The following RASGRF2 variants were observed in gnomAD, a reference collection of about 807,000 sequenced individuals.
RASGRF2 encodes the protein Ras protein specific guanine nucleotide releasing factor 2.
In RASGRF2, 76 loss-of-function variants were observed where a neutral mutation model predicts 151.0. The ratio of observed to expected loss-of-function variants is 0.50; its 90% CI spans 0.42 to 0.61. The LOEUF (loss-of-function observed/expected upper bound fraction) is 0.61, where lower values mean the gene tolerates loss of function less well. Among genes scored for constraint, RASGRF2 ranks in the 20% least tolerant of loss-of-function variants. The pLI, the probability that RASGRF2 is intolerant of heterozygous loss-of-function variation, is 0.00. For missense variants in RASGRF2, 1,148 were observed against 1,564.6 expected, an observed-to-expected ratio of 0.73 and a Z score of 4.49; for synonymous variants, 504 against 566.5, an observed-to-expected ratio of 0.89 and a Z score of 1.57.
At chr5:81,165,182 T>C (rs955585744) in intron 17 of RASGRF2, among the ~76,000 whole-genome samples, 4 of 152,130 alleles carry the variant, frequency 2.6e-5, no homozygotes, top group African/African-American at 9.7e-5. Context: ...ACCTCAAGTC[T>C]TGTGGTTACG....
At chr5:81,102,650 ATGCCAC>A (rs1561205819) in intron 12 of RASGRF2, among the ~76,000 whole-genome samples, 1 of 151,366 alleles carries the variant, frequency 6.6e-6, no homozygotes, top group African/African-American at 2.4e-5. Flanking sequence ...AGCCGAGATC[ATGCCAC>A]TGCATTCCAG....
intron 17 of RASGRF2, among the ~76,000 whole-genome samples, chr5:81,154,489 C>G (rs1754214877): frequency 1.3e-5 from 2 of 152,142 alleles, no homozygotes; most frequent in Non-Finnish European, 1.5e-5. Flanking sequence ...TTTGGCCTTC[C>G]AAAGTGCTGA....
At chr5:81,148,423 G>T (rs996468527) in intron 17 of RASGRF2, among the ~76,000 whole-genome samples, 4 of 152,104 alleles carry the variant, frequency 2.6e-5, no homozygotes, top group African/African-American at 9.7e-5. Context: ...TTATCCCTTT[G>T]TGCAGTTCAT....
rs537474383 is a variant in RASGRF2, at chr5:81,121,962, G to A, written c.2471-1680G>A. The stretch of plus-strand genomic sequence containing the variant: ...TTAGTTTGAAAATTGCCTGCCTGTG[G>A]GCTGAAAGTGCTCCCGATTTTAGCA... On this transcript the variant is annotated intron_variant, in intron 15 of 26. Coordinates refer to ENST00000265080, the MANE Select transcript of RASGRF2 (RefSeq NM_006909.3). 2.6e-5 allele frequency among the ~76,000 whole-genome samples: 4 copies of A among 152,302 alleles called. No homozygotes were observed. In the South Asian group the frequency reaches 8.3e-4, roughly 32 times the overall value.
At chr5:81,222,831 A>G (rs1466633904) in intron 26 of RASGRF2, among the ~76,000 whole-genome samples, 1 of 152,274 alleles carries the variant, frequency 6.6e-6, no homozygotes, top group African/African-American at 2.4e-5. Context: ...AAAGGTATAA[A>G]AATTGGAAAG....
At chr5:81,144,858 A>T (rs1279560238) in intron 17 of RASGRF2, among the ~76,000 whole-genome samples, 1 of 152,140 alleles carries the variant, frequency 6.6e-6, no homozygotes, top group African/African-American at 2.4e-5. Flanking sequence ...GAATCCTGTC[A>T]TCTGGCTCTT....
intron 1 of RASGRF2, among the ~76,000 whole-genome samples, chr5:81,024,341 C>T (rs1749940788): frequency 7.0e-6 from 1 of 143,092 alleles, no homozygotes; most frequent in Non-Finnish European, 1.5e-5. Flanking sequence ...CTCACTGCAA[C>T]CTCCGTCTCC....
chr5:81,215,453 T>C (rs1755716181), intron 23 of RASGRF2, among the ~76,000 whole-genome samples: 1 of 151,966 alleles, frequency 6.6e-6, no homozygotes, highest in Non-Finnish European at 1.5e-5. Flanking sequence ...GTACTTTCAA[T>C]AGAGATGGGG....
At chr5:81,109,534 C>T (rs1055710274) in intron 13 of RASGRF2, among the ~76,000 whole-genome samples, 14 of 152,108 alleles carry the variant, frequency 9.2e-5, no homozygotes, top group African/African-American at 2.2e-4. Flanking sequence ...GGCATGATGG[C>T]GGACACCTGT....
chr5:80,995,693 C>CCTT (rs58481061), intron 1 of RASGRF2, among the ~76,000 whole-genome samples: 13 of 97,332 alleles, frequency 1.3e-4, no homozygotes, highest in African/African-American at 3.1e-4. Context: ...TTCCCCCCCC[C>CCTT]TTTTTTTTTT....
At chr5:81,105,256 A>G (rs1444232806) in intron 12 of RASGRF2, among the ~76,000 whole-genome samples, 1 of 151,972 alleles carries the variant, frequency 6.6e-6, no homozygotes, top group Non-Finnish European at 1.5e-5. Flanking sequence ...CATTTCCTGG[A>G]TTTTCAGACC....
At chr5:81,063,135 T>C (rs956698768) in intron 2 of RASGRF2, among the ~76,000 whole-genome samples, 2 of 152,222 alleles carry the variant, frequency 1.3e-5, no homozygotes. Flanking sequence ...CTTAGAATTC[T>C]GATATTTTAC....
chr5:81,060,465 G>A (rs1271722896), intron 2 of RASGRF2, among the ~76,000 whole-genome samples: 1 of 151,696 alleles, frequency 6.6e-6, no homozygotes, highest in Non-Finnish European at 1.5e-5. Flanking sequence ...CCTACTTCCT[G>A]TTCTCCTCTT....
chr5:81,089,461 A>G lies in RASGRF2; in HGVS notation c.1390+2508A>G, dbSNP rs534175406. 5.9e-5 allele frequency among the ~76,000 whole-genome samples: 9 copies of G among 152,356 alleles called. No homozygotes were observed. The East Asian group carries it at 1.7e-3, about 29-fold the overall frequency. On this transcript the variant is annotated intron_variant, in intron 9 of 26. Transcript: ENST00000265080. ...TGAAAGATCACCTCAGAATAAAGGC[A>G]TCAGCAACTCTTGAATGTTTTTTGA... is the stretch of plus-strand genomic sequence containing the variant.
At chr5:81,207,164 C>CAGCT (rs1755526416) in intron 20 of RASGRF2, 82 bp from the exon 21 acceptor site, 1 of 1,153,940 alleles carries the variant, frequency 8.7e-7, no homozygotes, top group African/African-American at 1.5e-5. Flanking sequence ...TCCACACATG[C>CAGCT]AGCTGTCTGC....
At chr5:81,155,608 C>T (rs1754242181) in intron 17 of RASGRF2, among the ~76,000 whole-genome samples, 1 of 139,838 alleles carries the variant, frequency 7.2e-6, no homozygotes, top group Non-Finnish European at 1.5e-5. Context: ...CAAACCCATG[C>T]CCAAAACTGG....
chr5:80,997,259 A>G (rs2112279607), intron 1 of RASGRF2: 1 of 152,286 alleles, frequency 6.6e-6, no homozygotes, highest in East Asian at 1.9e-4. Context: ...TCCAGTTTGC[A>G]GGTCCACCTT....
At chr5:81,132,473 C>G (rs990326450) in intron 17 of RASGRF2, among the ~76,000 whole-genome samples, 3 of 152,118 alleles carry the variant, frequency 2.0e-5, no homozygotes, top group Non-Finnish European at 4.4e-5. Flanking sequence ...TTTTGAGTGT[C>G]TTTTGTGTTT....
intron 4 of RASGRF2, among the ~76,000 whole-genome samples, chr5:81,071,024 G>C (rs1057379615): frequency 6.6e-6 from 1 of 152,076 alleles, no homozygotes; most frequent in Non-Finnish European, 1.5e-5. Flanking sequence ...ATTGCTTCTT[G>C]TTTAACATCC....
Sources: gnomAD v4.1 joint callset for allele counts (sites outside exome capture counted in the v4.1 genomes callset) on GRCh38, gnomAD v4.1.1 for gene constraint, MANE v1.5 for transcripts, NCBI Gene and HGNC (gene_info 2026-07-23, HGNC 2026-07-21) for gene names.